Variants in ZNF398 observed in about 807,000 individuals in gnomAD.
The protein encoded by ZNF398 is zinc finger DNA binding protein ZER6.
Under a neutral mutation model 41.9 loss-of-function variants are expected in ZNF398, and 18 were observed. The ratio of observed to expected loss-of-function variants is 0.43; its 90% CI spans 0.30 to 0.64. The LOEUF (loss-of-function observed/expected upper bound fraction) is 0.64. Ranked by LOEUF, ZNF398 falls within the 30% of genes least tolerant of loss-of-function variation. The probability of loss-of-function intolerance (pLI) is 0.14; values close to 1 mark genes in which losing one functional copy is unlikely to be tolerated. For synonymous variants in ZNF398, 260 were observed against 308.8 expected, an observed-to-expected ratio of 0.84 and a Z score of 1.66; for missense variants, 669 against 822.8, an observed-to-expected ratio of 0.81 and a Z score of 2.29.
At chr7:149,156,861 C>A (rs1357290035) in intron 2 of ZNF398, among the ~76,000 whole-genome samples, 291 of 141,020 alleles carry the variant, frequency 2.1e-3, no homozygotes, top group East Asian at 3.1e-3. Context: ...AACTCCATTT[C>A]AAAAAAAAAA....
chr7:149,167,120 A>G (rs180725203), intron 4 of ZNF398, among the ~76,000 whole-genome samples, 190 bp downstream of exon 4: 2 of 152,342 alleles, frequency 1.3e-5, no homozygotes, highest in East Asian at 3.9e-4. Flanking sequence ...TTCACCTATC[A>G]GTACTACACA....
intron 2 of ZNF398, among the ~76,000 whole-genome samples, chr7:149,138,240 C>T (rs888859288): frequency 6.7e-6 from 1 of 150,296 alleles, no homozygotes; most frequent in African/African-American, 2.4e-5. Context: ...AAATTTAATG[C>T]TATGCAAGAT....
chr7:149,179,691 C>G lies in ZNF398; in HGVS notation c.1819C>G (p.Pro607Ala), dbSNP rs201807737. Residue 607 changes from proline (P) to alanine (A), a missense_variant, in exon 6 of 6, where the codon CCA becomes GCA. Pro to Ala is a conservative substitution (Grantham distance 27). Transcript: ENST00000475153. This position sits in a 1 kb window ranked among gnomAD's most constrained non-coding sequence, Gnocchi z 6.1. ...TGACCCATCAGGTCAGCCACCCAACCCACCAGGTCCCCTCATAACTGGGCT... is the reference window on the plus strand; with the variant it reads ...TGACCCATCAGGTCAGCCACCCAACGCACCAGGTCCCCTCATAACTGGGCT... ...DSDPSGQPPN[P>A]PGPLITGLET... 1,414 of 1,614,232 alleles carry G rather than the reference C, an allele frequency of 8.8e-4. 2 individuals are homozygous for G. The highest frequency in any genetic ancestry group is 1.1e-3 in the Non-Finnish European group (1,273 of 1,180,046).
intron 4 of ZNF398, among the ~76,000 whole-genome samples, chr7:149,175,811 AGTAGCTGGGAT>A (rs1383447315): frequency 6.6e-6 from 1 of 151,940 alleles, no homozygotes; most frequent in Non-Finnish European, 1.5e-5. Flanking sequence ...CAGTCTCCTG[AGTAGCTGGGAT>A]TACAGGCGCC....
rs529265962 is a variant in ZNF398, at chr7:149,181,554, A to G, written c.*1753A>G. On this transcript the variant is annotated 3_prime_UTR_variant, in exon 6 of 6. Transcript: ENST00000475153. ...CCTTCACTCTCTCTAGTTATGCATA[A>G]CAACACTAGAAGAAGGTGTTAGCCC... 4.0e-4 allele frequency: 61 copies of G among 152,326 alleles called. No homozygotes were observed. Among genetic ancestry groups the G allele is most frequent in the African/African-American group, 1.4e-3 (60 of 41,578 alleles). The allele number at this position is 152,326 out of a possible 1,614,324, so 9.4% of individuals were successfully genotyped here. A position where few individuals can be genotyped will look rare whatever the true frequency, so the allele number is the denominator to read the frequency against.
intron 3 of ZNF398, 94 bp from the exon 4 acceptor site, chr7:149,166,723 G>T (rs1795232533): frequency 1.3e-6 from 1 of 798,522 alleles, no homozygotes. Context: ...CCCTGGCACT[G>T]TGACCACAAA....
At chr7:149,166,406 C>G in intron 3 of ZNF398, 122 bp downstream of exon 3, 1 of 1,260,802 alleles carries the variant, frequency 7.9e-7, no homozygotes. Flanking sequence ...ATTCTGGTTT[C>G]AAGCCAAAAT....
intron 2 of ZNF398, among the ~76,000 whole-genome samples, chr7:149,156,504 CAAAAAAAAAAAA>C (rs1184656145): frequency 5.5e-5 from 2 of 36,484 alleles, no homozygotes; most frequent in South Asian, 1.1e-3. Context: ...GACTCCATCT[CAAAAAAAAAAAA>C]AAAAAAAAAA....
chr7:149,145,516 G>C (rs1236386782), upstream of ZNF398, among the ~76,000 whole-genome samples: 1 of 152,142 alleles, frequency 6.6e-6, no homozygotes, highest in African/African-American at 2.4e-5. Flanking sequence ...CAGGATCTCT[G>C]ACATTAGAAT....
chr7:149,131,101 G>A (rs1184126629), intron 2 of ZNF398, among the ~76,000 whole-genome samples: 2 of 152,132 alleles, frequency 1.3e-5, no homozygotes, highest in African/African-American at 4.8e-5. Context: ...AAATGTAACT[G>A]TCTCAAGTTT....
intron 2 of ZNF398, among the ~76,000 whole-genome samples, chr7:149,141,880 C>T (rs1283089290): frequency 3.9e-5 from 6 of 151,926 alleles, no homozygotes; most frequent in Non-Finnish European, 7.4e-5. Context: ...TGAGCCACTG[C>T]GCCCGGCCCT....
chr7:149,138,396 A>G (rs1826757851), intron 2 of ZNF398, among the ~76,000 whole-genome samples: 1 of 152,068 alleles, frequency 6.6e-6, no homozygotes. Flanking sequence ...CCTGGACAAC[A>G]TGGCGAAATA....
chr7:149,178,218 G>A (rs1369996920), intron 5 of ZNF398, among the ~76,000 whole-genome samples: 1 of 152,082 alleles, frequency 6.6e-6, no homozygotes, highest in Non-Finnish European at 1.5e-5. Context: ...CGTGAACCCG[G>A]GAGGCGGAGC....
chr7:149,129,917 C>T (rs2129519083), intron 2 of ZNF398, among the ~76,000 whole-genome samples: 1 of 152,268 alleles, frequency 6.6e-6, no homozygotes, highest in South Asian at 2.1e-4. Flanking sequence ...TCTCCTGCCT[C>T]AGCCTCCCTA....
At chr7:149,127,725 CAAAAACAAACAAACAAAAAAACT>C (rs1167766497) in intron 1 of ZNF398, among the ~76,000 whole-genome samples, 2 of 150,618 alleles carry the variant, frequency 1.3e-5, no homozygotes, top group Non-Finnish European at 2.9e-5. Flanking sequence ...TCAAAAAAAC[CAAAAACAAACAAACAAAAAAACT>C]AACGTTTCTT....
At chr7:149,167,126 A>G (rs1795240801) in intron 4 of ZNF398, among the ~76,000 whole-genome samples, 196 bp downstream of exon 4, 1 of 152,200 alleles carries the variant, frequency 6.6e-6, no homozygotes, top group South Asian at 2.1e-4. Flanking sequence ...TATCAGTACT[A>G]CACACCTAAC....
chr7:149,159,433 G>A (rs1175808294), intron 2 of ZNF398, among the ~76,000 whole-genome samples: 1 of 151,664 alleles, frequency 6.6e-6, no homozygotes, highest in East Asian at 2.0e-4. Flanking sequence ...GGATCATGAG[G>A]TCAAGAGATC....
chr7:149,139,811 C>T (rs1826785318), intron 2 of ZNF398, among the ~76,000 whole-genome samples: 1 of 151,928 alleles, frequency 6.6e-6, no homozygotes, highest in Admixed American at 6.6e-5. Context: ...CGAGACCATC[C>T]TGGCTAACAC....
At chr7:149,156,823 T>C (rs1430438166) in intron 2 of ZNF398, among the ~76,000 whole-genome samples, 1 of 146,716 alleles carries the variant, frequency 6.8e-6, no homozygotes, top group Non-Finnish European at 1.5e-5. Context: ...ATTGTACCAC[T>C]GAACTCCAGC....
Sources: allele counts gnomAD v4.1 joint callset (sites outside exome capture counted in the v4.1 genomes callset), GRCh38; gene constraint gnomAD v4.1.1; non-coding constraint Gnocchi (gnomAD v3.1); transcripts MANE v1.5; gene names NCBI Gene and HGNC (gene_info 2026-07-23, HGNC 2026-07-21).